XRN2: variants seen among roughly 807,000 people sequenced by gnomAD.
The protein encoded by XRN2 is DHM1-like protein.
XRN2 carries 44 observed loss-of-function variants against 138.5 expected under a neutral mutation model. The ratio of observed to expected loss-of-function variants is 0.32; its 90% CI spans 0.25 to 0.41. The LOEUF (loss-of-function observed/expected upper bound fraction) is 0.41. XRN2 is among the 10% of genes least tolerant of loss of function. The probability of loss-of-function intolerance (pLI) is 1.00; values close to 1 mark genes in which losing one functional copy is unlikely to be tolerated. For synonymous variants in XRN2, 354 were observed against 369.4 expected (o/e 0.96, Z 0.48); for missense variants, 937 against 1,169.3 (o/e 0.80, Z 2.90).
At chr20:21,372,288 A>G (rs1273652143) in intron 27 of XRN2, among the ~76,000 whole-genome samples, 2 of 152,188 alleles carry the variant, frequency 1.3e-5, no homozygotes, top group African/African-American at 4.8e-5. Flanking sequence ...ATCATGTGAT[A>G]TTTAAATTGA....
Position 21,389,475 on chromosome 20 carries a change from C to T in XRN2, c.*137C>T, listed in dbSNP as rs2038967121. On this transcript the variant is annotated 3_prime_UTR_variant, in exon 30 of 30. Coordinates refer to ENST00000377191, the MANE Select transcript of XRN2 (RefSeq NM_012255.5). The stretch of plus-strand genomic sequence containing the variant: ...TTTCTTTTAACTGTGTATATTTCTA[C>T]TGATCTGATCTCACTGTTTATGTTG... The T allele has an allele frequency of 1.4e-6, 1 of 712,942 alleles. No homozygotes were observed. The highest frequency in any genetic ancestry group is 1.8e-5 in the African/African-American group (1 of 55,388). 44.2% of individuals were successfully genotyped at this position (712,942 alleles called of 1,614,324 possible). A position where few individuals can be genotyped will look rare whatever the true frequency, so the allele number is the denominator to read the frequency against.
intron 1 of XRN2, among the ~76,000 whole-genome samples, chr20:21,314,985 G>A (rs2037938331): frequency 3.3e-5 from 5 of 152,148 alleles, no homozygotes. Context: ...TGACTGCAGG[G>A]GCCACACTTA....
chr20:21,382,398 C>T (rs1427045114), intron 28 of XRN2, among the ~76,000 whole-genome samples: 1 of 152,202 alleles, frequency 6.6e-6, no homozygotes, highest in East Asian at 1.9e-4. Flanking sequence ...TGAGGCATAA[C>T]TAATGGTGTT....
At chr20:21,359,469 GA>G (rs1242782246) in intron 24 of XRN2, among the ~76,000 whole-genome samples, 1 of 151,022 alleles carries the variant, frequency 6.6e-6, no homozygotes, top group Admixed American at 6.6e-5. Context: ...CCAGGAGGCC[GA>G]GGCCTCAGTG....
At chr20:21,355,913 TACTAGA>T (rs1285748028) in intron 21 of XRN2, among the ~76,000 whole-genome samples, 161 bp from the exon 22 acceptor site, 10 of 152,202 alleles carry the variant, frequency 6.6e-5, no homozygotes, top group African/African-American at 2.4e-4. Flanking sequence ...TACTATCAAA[TACTAGA>T]ACTTACTCTT....
At chr20:21,317,584 T>C (rs922589845) in intron 1 of XRN2, among the ~76,000 whole-genome samples, 1 of 152,190 alleles carries the variant, frequency 6.6e-6, no homozygotes, top group African/African-American at 2.4e-5. Flanking sequence ...GAGGCTCAAA[T>C]CTCTGATATA....
intron 6 of XRN2, 139 bp from the exon 7 acceptor site, chr20:21,331,422 C>G: frequency 1.5e-6 from 1 of 686,206 alleles, no homozygotes; most frequent in South Asian, 1.7e-5. Flanking sequence ...CACACACACA[C>G]ACACACACAC....
At chr20:21,354,951 C>T in intron 21 of XRN2, 79 bp downstream of exon 21, 1 of 1,150,960 alleles carries the variant, frequency 8.7e-7, no homozygotes, top group Non-Finnish European at 1.2e-6. Context: ...GACCTTCCTT[C>T]TCCTGTTTGT....
At chr20:21,341,882 G>A (rs1260371629) in intron 15 of XRN2, among the ~76,000 whole-genome samples, 2 of 152,036 alleles carry the variant, frequency 1.3e-5, no homozygotes, top group East Asian at 3.9e-4. Context: ...AGGCAGGCAG[G>A]TTTAAACTTT....
intron 1 of XRN2, chr20:21,303,728 T>C (rs1430915927): frequency 1.1e-5 from 13 of 1,230,150 alleles, no homozygotes; most frequent in Middle Eastern, 3.2e-4. Flanking sequence ...GGGTCGCTCC[T>C]CCCCTACTCG....
chr20:21,310,648 A>T (rs1017155912), intron 1 of XRN2, among the ~76,000 whole-genome samples: 2 of 151,908 alleles, frequency 1.3e-5, no homozygotes, highest in African/African-American at 4.8e-5. Context: ...GTTTTTTTCT[A>T]TTCTTTTATT....
chr20:21,389,256 CTTTT>C lies in XRN2; in HGVS notation c.2788-16_2788-13del. The C allele has an allele frequency of 1.2e-6, 2 of 1,607,654 alleles. No individual in the cohort carries two copies. The highest frequency in any genetic ancestry group is 2.2e-5 in the East Asian group (1 of 44,696). ...TATCGGTCCAGAAAATAAACTCTTT[CTTTT>C]GTTTATTTTCAGGGATATCCCAGAG... On this transcript the variant is annotated splice_polypyrimidine_tract_variant and intron_variant, in intron 29 of 29. Transcript: ENST00000377191.
chr20:21,356,696 A>C (rs375285368), intron 23 of XRN2, 31 bp downstream of exon 23: 10 of 1,574,962 alleles, frequency 6.3e-6, no homozygotes, highest in Non-Finnish European at 8.7e-6. Context: ...AATTGAGGTG[A>C]CTGGAAGGAA....
At chr20:21,317,405 T>C (rs968586550) in intron 1 of XRN2, among the ~76,000 whole-genome samples, 11 of 151,236 alleles carry the variant, frequency 7.3e-5, no homozygotes, top group African/African-American at 2.4e-4. Context: ...ATGTGTTTAA[T>C]TGATTGGTTT....
At chr20:21,303,532 G>A in intron 1 of XRN2, 59 bp downstream of exon 1, 4 of 1,504,968 alleles carry the variant, frequency 2.7e-6, no homozygotes, top group African/African-American at 2.9e-5. Flanking sequence ...CGTCTAGGCC[G>A]CGGCCCATGG....
At chr20:21,317,143 A>T (rs948552753) in intron 1 of XRN2, among the ~76,000 whole-genome samples, 6 of 152,198 alleles carry the variant, frequency 3.9e-5, no homozygotes, top group African/African-American at 1.2e-4. Flanking sequence ...AAGTGGCAAG[A>T]GCAGGCATCT....
intron 1 of XRN2, among the ~76,000 whole-genome samples, chr20:21,321,358 C>T (rs62217925): frequency 0.098 from 14,245 of 145,270 alleles, 1,262 homozygotes; most frequent in African/African-American, 0.24. Flanking sequence ...TGTAGGGTCT[C>T]ATTTTGTCAC....
At chr20:21,346,584 T>C (rs1170406579) in intron 17 of XRN2, 34 bp downstream of exon 17, 2 of 1,588,180 alleles carry the variant, frequency 1.3e-6, no homozygotes, top group African/African-American at 1.4e-5. Context: ...GAATTTGTAG[T>C]TAATCATTTA....
Position 21,346,640 on chromosome 20 carries a change from G to C in XRN2, c.1665+90G>C, listed in dbSNP as rs538252837. ...TTTTTTGTTTGTTTTTTGTTTTTGA[G>C]ACGGAGTCTTGCCCTGTCACCTGGG... On this transcript the variant is annotated intron_variant, in intron 17 of 29. Coordinates refer to ENST00000377191, the MANE Select transcript of XRN2 (RefSeq NM_012255.5). The C allele has an allele frequency of 3.1e-5, 47 of 1,510,808 alleles. No individual in the cohort carries two copies. In the African/African-American group the frequency reaches 6.0e-4, roughly 19 times the overall value. 93.6% of individuals were successfully genotyped at this position (1,510,808 alleles called of 1,614,324 possible). A position where few individuals can be genotyped will look rare whatever the true frequency, so the allele number is the denominator to read the frequency against.
Sources: gnomAD v4.1 joint callset for allele counts (sites outside exome capture counted in the v4.1 genomes callset) on GRCh38, gnomAD v4.1.1 for gene constraint, MANE v1.5 for transcripts, NCBI Gene and HGNC (gene_info 2026-07-23, HGNC 2026-07-21) for gene names.